Variants in ADGRB3 observed in about 807,000 individuals in gnomAD.
ADGRB3 encodes the protein brain-specific angiogenesis inhibitor 3.
A neutral mutation model predicts 193.4 loss-of-function variants in ADGRB3; 37 were observed. The observed-to-expected ratio is 0.19, with a 90% CI of 0.15 to 0.25. The LOEUF is 0.25. Among genes scored for constraint, ADGRB3 ranks in the 10% least tolerant of loss-of-function variants. ADGRB3 has a pLI of 1.00. For missense variants in ADGRB3, 1,637 were observed against 1,852.9 expected (o/e 0.88, Z 2.14); for synonymous variants, 690 against 644.2 (o/e 1.07, Z -1.08).
chr6:68,674,936 GGT>G (rs1769053244), intron 3 of ADGRB3, among the ~76,000 whole-genome samples: 1 of 152,248 alleles, frequency 6.6e-6, no homozygotes, highest in South Asian at 2.1e-4. Flanking sequence ...TGGAGTATAG[GGT>G]GTGGATCAGT....
chr6:69,044,919 ACAC>A (rs1771195785), intron 13 of ADGRB3, among the ~76,000 whole-genome samples: 1 of 152,206 alleles, frequency 6.6e-6, no homozygotes, highest in African/African-American at 2.4e-5. Flanking sequence ...CATCTTCTAA[ACAC>A]CCACAATGAC....
intron 3 of ADGRB3, among the ~76,000 whole-genome samples, chr6:68,642,337 C>T (rs1016185778): frequency 6.6e-6 from 1 of 152,018 alleles, no homozygotes; most frequent in Non-Finnish European, 1.5e-5. Context: ...AGTGTGTCCA[C>T]TGGTATTATG....
At chr6:68,912,267 CT>C (rs1235267895) in intron 3 of ADGRB3, among the ~76,000 whole-genome samples, 1 of 151,748 alleles carries the variant, frequency 6.6e-6, no homozygotes, top group African/African-American at 2.4e-5. Context: ...TTCTGTGCCT[CT>C]TCCAGAATGA....
At chr6:68,767,978 AC>A (rs1766543060) in intron 3 of ADGRB3, among the ~76,000 whole-genome samples, 2 of 152,334 alleles carry the variant, frequency 1.3e-5, no homozygotes, top group Admixed American at 1.3e-4. Flanking sequence ...AATAAAACTT[AC>A]AAGGGATGTG....
intron 3 of ADGRB3, among the ~76,000 whole-genome samples, chr6:68,831,442 G>C (rs1055356786): frequency 1.3e-5 from 2 of 151,168 alleles, no homozygotes; most frequent in Admixed American, 6.6e-5. Flanking sequence ...TAAAAGAGAA[G>C]ACTGAGTTGT....
intron 17 of ADGRB3, among the ~76,000 whole-genome samples, chr6:69,211,511 T>C (rs1269726645): frequency 1.3e-5 from 2 of 152,144 alleles, no homozygotes; most frequent in Non-Finnish European, 2.9e-5. Context: ...ATTTAATGTG[T>C]TACAAGAACA....
intron 20 of ADGRB3, among the ~76,000 whole-genome samples, chr6:69,245,819 A>G (rs1416644404): frequency 6.6e-6 from 1 of 152,114 alleles, no homozygotes; most frequent in East Asian, 1.9e-4. Flanking sequence ...TAATCAGACT[A>G]TACACTTCTT....
chr6:69,149,123 CT>C (rs1774590162), intron 17 of ADGRB3, among the ~76,000 whole-genome samples: 1 of 152,184 alleles, frequency 6.6e-6, no homozygotes, highest in African/African-American at 2.4e-5. Flanking sequence ...TTTGAATAAA[CT>C]TTCTACACCA....
chr6:69,039,160 A>T lies in ADGRB3; in HGVS notation c.2108-9025A>T, dbSNP rs75181249. On this transcript the variant is annotated intron_variant, in intron 13 of 31. Transcript: ENST00000370598. ...ATTTTACTTAATAATGGCTCCAAAG[A>T]GTAGTGATACTGGCAATTGGATATG... 1.4e-4 allele frequency among the ~76,000 whole-genome samples: 21 copies of T among 152,222 alleles called. 1 individual carries two copies. In the East Asian group the frequency reaches 3.9e-3, roughly 28 times the overall value.
intron 3 of ADGRB3, among the ~76,000 whole-genome samples, chr6:68,828,276 T>A (rs1767887414): frequency 6.6e-6 from 1 of 152,184 alleles, no homozygotes; most frequent in Non-Finnish European, 1.5e-5. Context: ...ATAACATATT[T>A]TAGTAAGTAG....
At chr6:68,935,356 T>C (rs143469906) in intron 4 of ADGRB3, among the ~76,000 whole-genome samples, 1 of 152,318 alleles carries the variant, frequency 6.6e-6, no homozygotes, top group East Asian at 1.9e-4. Flanking sequence ...TGAGTAGCAC[T>C]GCAAATAATT....
intron 3 of ADGRB3, among the ~76,000 whole-genome samples, chr6:68,649,057 A>G (rs1303715383): frequency 2.0e-5 from 3 of 152,104 alleles, no homozygotes; most frequent in South Asian, 4.1e-4. Flanking sequence ...TTGAAGTGTC[A>G]ATTATGCAGA....
At chr6:69,274,020 A>G (rs987973610) in intron 20 of ADGRB3, among the ~76,000 whole-genome samples, 1 of 152,204 alleles carries the variant, frequency 6.6e-6, no homozygotes, top group African/African-American at 2.4e-5. Context: ...GGATGTCTTC[A>G]GGAGGTAGGG....
intron 6 of ADGRB3, among the ~76,000 whole-genome samples, chr6:68,947,004 G>A (rs1009588204): frequency 2.2e-4 from 33 of 152,014 alleles, no homozygotes; most frequent in African/African-American, 7.0e-4. Flanking sequence ...CCATTGCCTG[G>A]GATCCATATA....
intron 3 of ADGRB3, among the ~76,000 whole-genome samples, chr6:68,769,410 C>T (rs1562021959): frequency 6.6e-6 from 1 of 152,060 alleles, no homozygotes. Context: ...AAGCTGGAAA[C>T]CATCATTCTC....
chr6:69,186,828 A>G (rs187482294), intron 17 of ADGRB3, among the ~76,000 whole-genome samples: 12 of 151,830 alleles, frequency 7.9e-5, no homozygotes, highest in Non-Finnish European at 2.9e-5. Context: ...GTGCGCATAC[A>G]TTTTTTTAAA....
intron 23 of ADGRB3, chr6:69,332,396 A>G: frequency 1.0e-6 from 1 of 985,442 alleles, no homozygotes; most frequent in South Asian, 4.7e-5. Flanking sequence ...TTAGAAAAGC[A>G]TGGTACATCA....
chr6:69,209,076 C>T (rs1212558296), intron 17 of ADGRB3, among the ~76,000 whole-genome samples: 1 of 152,212 alleles, frequency 6.6e-6, no homozygotes, highest in Non-Finnish European at 1.5e-5. Flanking sequence ...AGGCTCCAAA[C>T]AGCATCCCTA....
intron 5 of ADGRB3, among the ~76,000 whole-genome samples, chr6:68,940,333 A>G (rs1007817201): frequency 2.0e-5 from 3 of 151,744 alleles, no homozygotes; most frequent in Non-Finnish European, 2.9e-5. Flanking sequence ...CATCCTGTGT[A>G]TTTTTTTAAT....
Sources: gnomAD v4.1 joint callset for allele counts (sites outside exome capture counted in the v4.1 genomes callset) on GRCh38, gnomAD v4.1.1 for gene constraint, MANE v1.5 for transcripts, NCBI Gene and HGNC (gene_info 2026-07-23, HGNC 2026-07-21) for gene names.